CADM2: variants seen among roughly 807,000 people sequenced by gnomAD.
The protein encoded by CADM2 is immunoglobulin superfamily member 4D.
CADM2 carries 12 observed loss-of-function variants against 49.8 expected under a neutral mutation model. The ratio of observed to expected loss-of-function variants is 0.24; its 90% CI spans 0.15 to 0.39. CADM2 has a LOEUF of 0.39. CADM2 is among the 10% of genes least tolerant of loss of function. The probability of loss-of-function intolerance (pLI) is 1.00; values close to 1 mark genes in which losing one functional copy is unlikely to be tolerated. For synonymous variants in CADM2, 214 were observed against 175.4 expected (o/e 1.22, Z -1.74); for missense variants, 378 against 492.3 (o/e 0.77, Z 2.20).
chr3:85,882,718 A>C (rs1411774519), intron 3 of CADM2, among the ~76,000 whole-genome samples: 1 of 152,214 alleles, frequency 6.6e-6, no homozygotes, highest in Non-Finnish European at 1.5e-5. Flanking sequence ...TTCAAACCAA[A>C]GACTGTATTA....
intron 1 of CADM2, among the ~76,000 whole-genome samples, chr3:85,237,273 A>G (rs950308040): frequency 1.2e-4 from 18 of 151,970 alleles, no homozygotes; most frequent in Non-Finnish European, 7.4e-5. Context: ...AATTATAAAT[A>G]TCTATTAGGT....
At chr3:85,617,660 C>T (rs766669482) in intron 1 of CADM2, among the ~76,000 whole-genome samples, 5 of 152,238 alleles carry the variant, frequency 3.3e-5, no homozygotes, top group Admixed American at 6.5e-5. Flanking sequence ...GCTGAAAGTC[C>T]CAACTCTGTA....
intron 1 of CADM2, among the ~76,000 whole-genome samples, chr3:85,596,159 A>G (rs2063234027): frequency 6.6e-6 from 1 of 151,636 alleles, no homozygotes; most frequent in South Asian, 2.1e-4. Flanking sequence ...TTATTTATAT[A>G]TTTTATTTTA....
chr3:85,693,851 G>A (rs577571024), intron 1 of CADM2, among the ~76,000 whole-genome samples: 118 of 142,784 alleles, frequency 8.3e-4, no homozygotes, highest in African/African-American at 2.9e-3. Context: ...AGCCAAGATC[G>A]CACCACTGTA....
intron 7 of CADM2, among the ~76,000 whole-genome samples, chr3:85,960,299 C>G (rs963462726): frequency 6.6e-6 from 1 of 151,874 alleles, no homozygotes; most frequent in Non-Finnish European, 1.5e-5. Context: ...TACTCAGTGC[C>G]TCTGTTCTAA....
intron 1 of CADM2, among the ~76,000 whole-genome samples, chr3:85,290,277 C>T (rs773415583): frequency 1.1e-4 from 16 of 152,128 alleles, no homozygotes; most frequent in Non-Finnish European, 2.1e-4. Flanking sequence ...GCACCTGGCT[C>T]GGAGGGTCCT....
chr3:85,213,698 A>G (rs1194041448), intron 1 of CADM2, among the ~76,000 whole-genome samples: 2 of 151,844 alleles, frequency 1.3e-5, no homozygotes, highest in Non-Finnish European at 2.9e-5. Flanking sequence ...AAGGCTAGTA[A>G]CTCTTAGATT....
intron 1 of CADM2, among the ~76,000 whole-genome samples, chr3:85,716,020 C>T (rs1353874838): frequency 1.3e-5 from 2 of 152,114 alleles, no homozygotes; most frequent in Non-Finnish European, 2.9e-5. Context: ...GGTATATACC[C>T]AGTAATGGGA....
intron 2 of CADM2, among the ~76,000 whole-genome samples, chr3:85,738,122 T>A (rs2107815948): frequency 6.6e-6 from 1 of 151,410 alleles, no homozygotes; most frequent in Admixed American, 6.6e-5. Flanking sequence ...ATCAAATCTC[T>A]TGGCTGCTTA....
chr3:86,066,635 G>A, intron 9 of CADM2, 30 bp from the exon 10 acceptor site: 1 of 1,480,912 alleles, frequency 6.8e-7, no homozygotes, highest in South Asian at 1.1e-5. Flanking sequence ...GTCTCACAGA[G>A]CTAACATATT....
At chr3:85,113,531 T>G (rs2038533203) in intron 1 of CADM2, among the ~76,000 whole-genome samples, 1 of 152,050 alleles carries the variant, frequency 6.6e-6, no homozygotes. Flanking sequence ...TTCAAAAACA[T>G]CAGTTTAAAC....
chr3:85,332,825 ATCTGTG>A (rs1449496858), intron 1 of CADM2, among the ~76,000 whole-genome samples: 6 of 150,906 alleles, frequency 4.0e-5, no homozygotes, highest in Middle Eastern at 3.2e-3. Flanking sequence ...TGACTCAAAA[ATCTGTG>A]AACAAGGCTT....
intron 1 of CADM2, among the ~76,000 whole-genome samples, chr3:85,123,490 C>G (rs1352453399): frequency 6.6e-6 from 1 of 152,102 alleles, no homozygotes; most frequent in African/African-American, 2.4e-5. Context: ...GGGCACTCCT[C>G]TGATTCTAAT....
At chr3:85,776,692 C>A (rs1372440424) in intron 2 of CADM2, among the ~76,000 whole-genome samples, 1 of 151,986 alleles carries the variant, frequency 6.6e-6, no homozygotes, top group Non-Finnish European at 1.5e-5. Context: ...TTGTGCACCA[C>A]AGAAATGTAA....
intron 1 of CADM2, among the ~76,000 whole-genome samples, chr3:85,080,356 C>T (rs946859598): frequency 6.6e-6 from 1 of 151,944 alleles, no homozygotes. Context: ...CATATCATTT[C>T]TGTTTAGTCG....
At position 85,552,372 on chromosome 3, in the gene CADM2, T is replaced by G. The variant is rs1251322342; in HGVS notation, c.62-174150T>G. Reference sequence around the variant, plus strand: ...AATTAAATCACTTTGAAAAGTTTTTTTTTTTTTTTTTTTTTTTTTTTTTTG... The same window carrying G: ...AATTAAATCACTTTGAAAAGTTTTTGTTTTTTTTTTTTTTTTTTTTTTTTG... On this transcript the variant is annotated intron_variant, in intron 1 of 9. Transcript: ENST00000383699. Among the ~76,000 whole-genome samples the G allele has an allele frequency of 4.3e-3, 61 of 14,288 alleles. 3 individuals are homozygous for G. The Admixed American group carries it at 0.076, about 18-fold the overall frequency. 9.4% of individuals were successfully genotyped at this position (14,288 alleles called of 152,430 possible).
At chr3:85,276,807 C>T (rs2043366701) in intron 1 of CADM2, among the ~76,000 whole-genome samples, 1 of 151,016 alleles carries the variant, frequency 6.6e-6, no homozygotes, top group Non-Finnish European at 1.5e-5. Context: ...TTGTTATGCC[C>T]AGGGATATTG....
intron 1 of CADM2, among the ~76,000 whole-genome samples, chr3:85,345,592 G>T (rs2875889): frequency 0.88 from 134,559 of 152,080 alleles, 59,682 homozygotes; most frequent in East Asian, 0.95. Flanking sequence ...ACAAAATTAC[G>T]AGTCCTGAAG....
At chr3:85,949,060 T>G (rs1322563226) in intron 7 of CADM2, among the ~76,000 whole-genome samples, 1 of 151,414 alleles carries the variant, frequency 6.6e-6, no homozygotes, top group Non-Finnish European at 1.5e-5. Context: ...AGAAACAACA[T>G]TGAAAATATA....
Sources: allele counts gnomAD v4.1 joint callset (sites outside exome capture counted in the v4.1 genomes callset), GRCh38; gene constraint gnomAD v4.1.1; transcripts MANE v1.5; gene names NCBI Gene and HGNC (gene_info 2026-07-23, HGNC 2026-07-21).